The following FRMD6 variants were observed in gnomAD, a reference collection of about 807,000 sequenced individuals.
FRMD6 encodes FERM domain-containing protein 6.
Under a neutral mutation model 73.2 loss-of-function variants are expected in FRMD6, and 37 were observed. That is an observed-to-expected ratio of 0.51 (90% CI 0.39 to 0.66). The LOEUF (loss-of-function observed/expected upper bound fraction) is 0.66. FRMD6 is among the 30% of genes least tolerant of loss of function. The pLI, the probability that FRMD6 is intolerant of heterozygous loss-of-function variation, is 0.00. For synonymous variants in FRMD6, 273 were observed against 282.2 expected, an observed-to-expected ratio of 0.97 and a Z score of 0.33; for missense variants, 714 against 780.5, an observed-to-expected ratio of 0.91 and a Z score of 1.02.
chr14:51,518,323 A>G (rs553251385), intron 1 of FRMD6, among the ~76,000 whole-genome samples: 7 of 152,320 alleles, frequency 4.6e-5, no homozygotes, highest in South Asian at 4.1e-4. Context: ...TTAGATGTAG[A>G]CCACCATCCA....
chr14:51,518,727 G>A (rs928671810), intron 1 of FRMD6, among the ~76,000 whole-genome samples: 2 of 152,050 alleles, frequency 1.3e-5, no homozygotes, highest in Non-Finnish European at 2.9e-5. Flanking sequence ...AAGTCAAAAC[G>A]ATACAAGCCT....
chr14:51,399,150 C>T, the FRMD6 span, among the ~76,000 whole-genome samples: 3 of 152,204 alleles, frequency 2.0e-5, no homozygotes, highest in East Asian at 3.8e-4. Context: ...CTCTTGGAAA[C>T]CTTACCCTTT....
At chr14:51,482,561 A>G in the FRMD6 span, among the ~76,000 whole-genome samples, 4 of 152,216 alleles carry the variant, frequency 2.6e-5, no homozygotes, top group East Asian at 7.7e-4. Context: ...GAAATTCAGG[A>G]AAGCCGCAAA....
chr14:51,497,239 T>C (rs952027161), intron 1 of FRMD6, among the ~76,000 whole-genome samples: 68 of 152,044 alleles, frequency 4.5e-4, no homozygotes, highest in African/African-American at 1.6e-3. Flanking sequence ...AATAACTTTT[T>C]TTTTTTTTTT....
intron 2 of FRMD6, among the ~76,000 whole-genome samples, chr14:51,593,776 T>A (rs1397699625): frequency 1.3e-5 from 2 of 152,066 alleles, no homozygotes; most frequent in Non-Finnish European, 2.9e-5. Context: ...TTTGATATAG[T>A]AAGTACAAAA....
At chr14:51,601,211 C>T (rs1890020796) in intron 2 of FRMD6, among the ~76,000 whole-genome samples, 1 of 152,164 alleles carries the variant, frequency 6.6e-6, no homozygotes, top group African/African-American at 2.4e-5. Flanking sequence ...GGATGAATGG[C>T]AAGCAAACAC....
At chr14:51,647,570 A>C (rs773694694), upstream of FRMD6, among the ~76,000 whole-genome samples, 3 of 152,162 alleles carry the variant, frequency 2.0e-5, no homozygotes, top group Non-Finnish European at 4.4e-5. Flanking sequence ...AGTAGGACTT[A>C]ATTAAATTTA....
intron 1 of FRMD6, among the ~76,000 whole-genome samples, chr14:51,536,426 T>A (rs761991295): frequency 3.0e-4 from 45 of 151,364 alleles, no homozygotes; most frequent in African/African-American, 4.4e-4. Context: ...TTATTTATTT[T>A]ATTTTTTTTA....
upstream of FRMD6, chr14:51,651,335 A>G (rs1041256260): frequency 6.6e-6 from 1 of 151,822 alleles, no homozygotes; most frequent in African/African-American, 2.4e-5. Context: ...GGGCTGCAGG[A>G]TTCACGAAGC....
the FRMD6 span, among the ~76,000 whole-genome samples, chr14:51,427,283 G>GA: frequency 1.3e-5 from 2 of 152,212 alleles, no homozygotes; most frequent in Admixed American, 6.5e-5. Flanking sequence ...TGTCTGCCAT[G>GA]CATGCAGGAG....
At chr14:51,402,628 CT>C in the FRMD6 span, among the ~76,000 whole-genome samples, 2 of 135,460 alleles carry the variant, frequency 1.5e-5, no homozygotes, top group Middle Eastern at 3.8e-3. Flanking sequence ...TTGGGTATAT[CT>C]TTTTTTCTTT....
Position 51,540,404 on chromosome 14 carries a change from TC to T in FRMD6, c.-209-29943del, listed in dbSNP as rs537168693. Among the ~76,000 whole-genome samples, 13 of 152,320 alleles carry T rather than the reference TC, an allele frequency of 8.5e-5. No individual in the cohort carries two copies. The South Asian group carries it at 2.5e-3, about 29-fold the overall frequency. ...TATGCATCTGAAATGGGGTTTTGCT[TC>T]AGGTGTTTTGAGACCTTTTACCCGT... is the stretch of plus-strand genomic sequence containing the variant. On this transcript the variant is annotated intron_variant, in intron 1 of 14. Transcript: ENST00000356218.
chr14:51,608,172 A>T lies in FRMD6; in HGVS notation c.-147+37762A>T, dbSNP rs550441432. Among the ~76,000 whole-genome samples the T allele has an allele frequency of 6.6e-5, 10 of 152,342 alleles. No homozygotes were observed. In the East Asian group the frequency reaches 1.9e-3, roughly 29 times the overall value. ...GGAGCCTACGAGCTGTGATCTGCAG[A>T]GTGTGCTCTGGGCACCCAGGACTGC... On this transcript the variant is annotated intron_variant, in intron 2 of 14. Transcript: ENST00000356218.
rs1188543775 is a variant in FRMD6, at chr14:51,607,263, T to C, written c.-147+36853T>C. 2.6e-5 allele frequency among the ~76,000 whole-genome samples: 4 copies of C among 152,162 alleles called. No individual in the cohort carries two copies. The East Asian group carries it at 7.7e-4, about 29-fold the overall frequency. ...GAAAGGGGTGACCACCCTTTCTTCATCCATGTATGTGCAGGATCAGACGAC... is the reference window on the plus strand; with the variant it reads ...GAAAGGGGTGACCACCCTTTCTTCACCCATGTATGTGCAGGATCAGACGAC... On this transcript the variant is annotated intron_variant, in intron 2 of 14. Coordinates refer to the FRMD6 transcript ENST00000356218.
At chr14:51,637,067 T>C (rs949219022) in intron 2 of FRMD6, among the ~76,000 whole-genome samples, 1 of 151,908 alleles carries the variant, frequency 6.6e-6, no homozygotes, top group African/African-American at 2.4e-5. Flanking sequence ...CTACAAATAA[T>C]AATAATTAGC....
At chr14:51,479,728 G>A in the FRMD6 span, among the ~76,000 whole-genome samples, 2 of 152,310 alleles carry the variant, frequency 1.3e-5, no homozygotes, top group Admixed American at 1.3e-4. Flanking sequence ...CAACAGTAGG[G>A]AAAGTTTAAT....
intron 2 of FRMD6, chr14:51,584,159 C>T (rs2139678237): frequency 6.6e-6 from 1 of 152,304 alleles, no homozygotes; most frequent in South Asian, 2.1e-4. Context: ...CTCCCAGTGT[C>T]ACTCACCTAG....
At chr14:51,554,638 A>G (rs544927215) in intron 1 of FRMD6, 4 of 152,224 alleles carry the variant, frequency 2.6e-5, no homozygotes, top group Non-Finnish European at 5.9e-5. Context: ...ACAAATCCCA[A>G]TAAAGGGACA....
chr14:51,419,380 C>T, the FRMD6 span, among the ~76,000 whole-genome samples: 1 of 152,188 alleles, frequency 6.6e-6, no homozygotes, highest in Non-Finnish European at 1.5e-5. Context: ...AATTTCTTGA[C>T]CTCGTGATCT....
Sources: gnomAD v4.1 joint callset for allele counts (sites outside exome capture counted in the v4.1 genomes callset) on GRCh38, gnomAD v4.1.1 for gene constraint, MANE v1.5 for transcripts, NCBI Gene and HGNC (gene_info 2026-07-23, HGNC 2026-07-21) for gene names.